The following RIC3 variants were observed in gnomAD, a reference collection of about 807,000 sequenced individuals.
RIC3 encodes the protein protein RIC-3.
A neutral mutation model predicts 27.3 loss-of-function variants in RIC3; 28 were observed. The ratio of observed to expected loss-of-function variants is 1.02; its 90% confidence interval spans 0.76 to 1.41. The LOEUF is 1.41. Among genes scored for constraint, RIC3 ranks in the 40% most tolerant of loss-of-function variants. RIC3 has a pLI of 0.00. For missense variants in RIC3, 501 were observed against 444.7 expected (o/e 1.13, Z -1.14); for synonymous variants, 184 against 160.4 (o/e 1.15, Z -1.11).
chr11:8,168,410 C>G (rs1212609206), intron 1 of RIC3, among the ~76,000 whole-genome samples: 1 of 152,148 alleles, frequency 6.6e-6, no homozygotes, highest in Non-Finnish European at 1.5e-5. Context: ...GTTGAAAAAA[C>G]ATAACGACTT....
At chr11:8,160,870 A>G (rs1239831428) in intron 1 of RIC3, among the ~76,000 whole-genome samples, 1 of 152,234 alleles carries the variant, frequency 6.6e-6, no homozygotes, top group East Asian at 1.9e-4. Flanking sequence ...GACTGAAGAA[A>G]GGGACATAAT....
chr11:8,151,457 G>A (rs1484182831), intron 1 of RIC3, among the ~76,000 whole-genome samples: 5 of 150,150 alleles, frequency 3.3e-5, no homozygotes, highest in African/African-American at 9.9e-5. Context: ...ATGGTGGCGC[G>A]TGCCTGTAGT....
chr11:8,098,141 G>A, the RIC3 span, among the ~76,000 whole-genome samples: 1 of 152,004 alleles, frequency 6.6e-6, no homozygotes, highest in African/African-American at 2.4e-5. Context: ...TGGCTCCATG[G>A]TCAATGCCAA....
At chr11:8,145,625 G>T (rs11041766) in intron 1 of RIC3, among the ~76,000 whole-genome samples, 158 of 152,186 alleles carry the variant, frequency 1.0e-3, no homozygotes, top group African/African-American at 3.6e-3. Context: ...CTTGTGAGTG[G>T]AAGAGCAGGG....
intron 1 of RIC3, among the ~76,000 whole-genome samples, chr11:8,151,743 G>A (rs902673836): frequency 2.6e-5 from 4 of 151,068 alleles, no homozygotes; most frequent in Non-Finnish European, 4.4e-5. Flanking sequence ...GTGAAACCTC[G>A]TCTCTACTAA....
chr11:8,132,699 T>A (rs1336334761), intron 4 of RIC3, among the ~76,000 whole-genome samples: 3 of 152,222 alleles, frequency 2.0e-5, no homozygotes, highest in African/African-American at 7.2e-5. Flanking sequence ...CTGCAGAGTT[T>A]TCTAATTTTA....
In RIC3 at chr11:8,110,955, G is replaced by A. The variant is rs1029359188; in HGVS notation, c.853C>T (p.Pro285Ser). Reference protein sequence around the residue: ...HLGWESLPTDPRAQEDNSVTS... With the variant: ...HLGWESLPTDSRAQEDNSVTS... ...ACAGAATTATCTTCCTGGGCTCTGG[G>A]GTCAGTGGGCAGACTTTCCCAACCC... is the stretch of plus-strand genomic sequence containing the variant. The change falls in exon 6 of 6, where the codon CCC (proline) becomes TCC (serine). Residue 285 changes from proline (P) to serine (S), a missense_variant. By Grantham distance (74) the Pro-to-Ser change is moderately conservative. Coordinates refer to ENST00000309737, the MANE Select transcript of RIC3 (RefSeq NM_001206671.4). The A allele has an allele frequency of 4.3e-6, 7 of 1,614,108 alleles. No individual in the cohort carries two copies. The highest frequency in any genetic ancestry group is 5.9e-6 in the Non-Finnish European group (7 of 1,180,024).
intron 4 of RIC3, among the ~76,000 whole-genome samples, chr11:8,136,441 C>A (rs1010448843): frequency 1.3e-5 from 2 of 152,206 alleles, no homozygotes; most frequent in African/African-American, 4.8e-5. Flanking sequence ...TGAAACTGAA[C>A]CCTTCTTTGT....
chr11:8,097,550 G>T, the RIC3 span: 1 of 1,403,184 alleles, frequency 7.1e-7, no homozygotes, highest in Non-Finnish European at 1.0e-6. Flanking sequence ...AACTGCCTTC[G>T]TGTCTGGTCT....
intron 1 of RIC3, among the ~76,000 whole-genome samples, chr11:8,141,160 G>A (rs1949014482): frequency 6.7e-6 from 1 of 149,626 alleles, no homozygotes; most frequent in African/African-American, 2.5e-5. Flanking sequence ...CATAATGACA[G>A]GATCAAATTC....
At chr11:8,113,580 G>C (rs1945501756) in intron 5 of RIC3, among the ~76,000 whole-genome samples, 1 of 152,130 alleles carries the variant, frequency 6.6e-6, no homozygotes, top group Admixed American at 6.6e-5. Context: ...TGCAGACACA[G>C]GCTCCAGGCC....
chr11:8,130,930 G>A lies in RIC3; in HGVS notation c.522-4123C>T, dbSNP rs149925219. Among the ~76,000 whole-genome samples, 363 of 152,116 alleles carry A rather than the reference G, an allele frequency of 2.4e-3. 3 individuals are homozygous for A. The highest frequency in any genetic ancestry group is 8.4e-3 in the African/African-American group (350 of 41,498). ...GAGGTACACAAGGCCAGGTCACTCA[G>A]GACCACGTAAGCTACGTTAAAGATT... On this transcript the variant is annotated intron_variant, in intron 4 of 5. Transcript: ENST00000309737.
intron 1 of RIC3, among the ~76,000 whole-genome samples, chr11:8,147,162 T>C (rs895426755): frequency 1.2e-4 from 18 of 152,234 alleles, no homozygotes; most frequent in African/African-American, 3.9e-4. Flanking sequence ...TGAGTCTTCC[T>C]GCCTTTGCTT....
At position 8,152,398 on chromosome 11, in the gene RIC3, A is replaced by C. The variant is rs1222798358; in HGVS notation, c.125-12205T>G. Reference sequence around the variant, plus strand: ...GTATTATCCAGCCATAAAAAGGAATAAAGTACTGATCCATACTACAACATG... The same window carrying C: ...GTATTATCCAGCCATAAAAAGGAATCAAGTACTGATCCATACTACAACATG... On this transcript the variant is annotated intron_variant, in intron 1 of 5. Transcript: ENST00000309737. 4.6e-5 allele frequency among the ~76,000 whole-genome samples: 7 copies of C among 152,254 alleles called. No individual in the cohort carries two copies. The East Asian group carries it at 1.3e-3, about 29-fold the overall frequency.
chr11:8,104,682 G>C (rs1289008522), downstream of RIC3: 1 of 152,120 alleles, frequency 6.6e-6, no homozygotes, highest in East Asian at 1.9e-4. Flanking sequence ...TAGCTTTTCA[G>C]TTCCCGCTCT....
At chr11:8,136,065 C>A (rs1023505815) in intron 4 of RIC3, among the ~76,000 whole-genome samples, 11 of 152,152 alleles carry the variant, frequency 7.2e-5, no homozygotes, top group African/African-American at 2.7e-4. Flanking sequence ...AGTAACTCTG[C>A]TTTCCAGGCA....
chr11:8,134,976 T>C (rs1387310285), intron 4 of RIC3, among the ~76,000 whole-genome samples: 2 of 152,362 alleles, frequency 1.3e-5, no homozygotes, highest in African/African-American at 2.4e-5. Flanking sequence ...TCTTTTGCTG[T>C]GCAGAAGCTC....
chr11:8,132,099 G>T (rs1284762963), intron 4 of RIC3, among the ~76,000 whole-genome samples: 1 of 152,002 alleles, frequency 6.6e-6, no homozygotes, highest in East Asian at 1.9e-4. Flanking sequence ...GCTGCCAGAG[G>T]TTGCACCCTC....
In RIC3 at chr11:8,131,977, AC is replaced by A. The variant is rs200519899; in HGVS notation, c.522-5171del. 6.2e-3 allele frequency among the ~76,000 whole-genome samples: 949 copies of A among 151,950 alleles called. 20 individuals are homozygous for A. Among genetic ancestry groups the A allele is most frequent in the Admixed American group, 0.049 (751 of 15,214 alleles). ...TATTTCCTTAGTACCGACTATACAA[AC>A]ACAGTGAACAAAATAGGCTAAGTCT... On this transcript the variant is annotated intron_variant, in intron 4 of 5. Coordinates refer to ENST00000309737, the MANE Select transcript of RIC3 (RefSeq NM_001206671.4).
Sources: gnomAD v4.1 joint callset for allele counts (sites outside exome capture counted in the v4.1 genomes callset) on GRCh38, gnomAD v4.1.1 for gene constraint, MANE v1.5 for transcripts, NCBI Gene and HGNC (gene_info 2026-07-23, HGNC 2026-07-21) for gene names.